SWT1: variants seen among roughly 807,000 people sequenced by gnomAD.
SWT1 encodes SWT1 RNA endoribonuclease homolog, also known as transcriptional protein SWT1.
SWT1 carries 33 observed loss-of-function variants against 107.3 expected under a neutral mutation model. The observed-to-expected ratio is 0.31, with a 90% CI of 0.23 to 0.41. The LOEUF (loss-of-function observed/expected upper bound fraction) is 0.41. Among genes scored for constraint, SWT1 ranks in the 10% least tolerant of loss-of-function variants. The probability of loss-of-function intolerance (pLI) is 1.00; values close to 1 mark genes in which losing one functional copy is unlikely to be tolerated. For missense variants in SWT1, 898 were observed against 1,028.9 expected (o/e 0.87, Z 1.74); for synonymous variants, 345 against 348.3 (o/e 0.99, Z 0.11).
At chr1:185,256,619 T>C (rs1286383706) in intron 16 of SWT1, among the ~76,000 whole-genome samples, 4 of 145,256 alleles carry the variant, frequency 2.8e-5, no homozygotes, top group African/African-American at 5.2e-5. Context: ...CGAGCCTTGG[T>C]TTTCAGCTCC....
chr1:185,184,818 TA>T lies in SWT1; in HGVS notation c.1320del (p.Lys440AsnfsTer40). 6.2e-7 allele frequency: 1 copy of T among 1,605,088 alleles called. No homozygotes were observed. On this transcript the variant is annotated frameshift_variant, in exon 9 of 19. Coordinates refer to ENST00000367500, the MANE Select transcript of SWT1 (RefSeq NM_017673.7). LOFTEE classifies it high-confidence loss of function. ...ELDRMKEGKL[L>X]KRAQHKAIPA... The stretch of plus-strand genomic sequence containing the variant: ...GATCGTATGAAGGAAGGAAAACTAC[TA>T]AAACGTGCCCAGCACAAAGCTATAC...
At chr1:185,241,406 G>T (rs1661248113) in intron 16 of SWT1, among the ~76,000 whole-genome samples, 1 of 152,070 alleles carries the variant, frequency 6.6e-6, no homozygotes. Context: ...CAGCTCCTCA[G>T]ATATCACTTA....
chr1:185,174,620 G>A lies in SWT1; in HGVS notation c.473G>A (p.Ser158Asn). ...AGCCTTAGTAGTCCTAAGATTGCCAGTGATGTGAAACCTAAAGCCGAAGGC... is the reference window on the plus strand; with the variant it reads ...AGCCTTAGTAGTCCTAAGATTGCCAATGATGTGAAACCTAAAGCCGAAGGC... ...IKSLSSPKIA[S>N]DVKPKAEGQA... The change falls in exon 5 of 19, where the codon AGT becomes AAT. Residue 158 changes from serine (S) to asparagine (N), a missense_variant. Ser to Asn is a conservative substitution (Grantham distance 46). Coordinates refer to ENST00000367500, the MANE Select transcript of SWT1 (RefSeq NM_017673.7). 1 of 1,611,880 alleles carries A rather than the reference G, an allele frequency of 6.2e-7. No individual in the cohort carries two copies.
chr1:185,171,118 T>C (rs912061898), intron 4 of SWT1, among the ~76,000 whole-genome samples: 1 of 152,074 alleles, frequency 6.6e-6, no homozygotes, highest in Non-Finnish European at 1.5e-5. Context: ...CACCGTCTCC[T>C]TCTATTCTGG....
chr1:185,271,602 A>T (rs1487892851), intron 17 of SWT1, among the ~76,000 whole-genome samples: 1 of 152,134 alleles, frequency 6.6e-6, no homozygotes, highest in African/African-American at 2.4e-5. Flanking sequence ...TGGTGTTTTG[A>T]TATGTTATAC....
chr1:185,192,233 A>G (rs1003673542), intron 10 of SWT1, among the ~76,000 whole-genome samples: 2 of 152,326 alleles, frequency 1.3e-5, no homozygotes, highest in Non-Finnish European at 1.5e-5. Context: ...AATATATTCA[A>G]CTATTTATTT....
At chr1:185,219,394 G>GA (rs1046189360) in intron 14 of SWT1, among the ~76,000 whole-genome samples, 1 of 152,046 alleles carries the variant, frequency 6.6e-6, no homozygotes, top group African/African-American at 2.4e-5. Context: ...CTAATAAATA[G>GA]AAAATTCTGA....
At chr1:185,223,640 T>G (rs1234962708) in intron 15 of SWT1, among the ~76,000 whole-genome samples, 1 of 152,140 alleles carries the variant, frequency 6.6e-6, no homozygotes, top group Admixed American at 6.5e-5. Flanking sequence ...TATATTAAGG[T>G]CTTTTGCCCA....
chr1:185,164,208 G>A (rs1315309463), intron 2 of SWT1, among the ~76,000 whole-genome samples: 5 of 151,560 alleles, frequency 3.3e-5, no homozygotes, highest in African/African-American at 9.7e-5. Flanking sequence ...GGTCTCAACA[G>A]TGAGCTTAAG....
chr1:185,248,316 A>G (rs183381347), intron 16 of SWT1, among the ~76,000 whole-genome samples: 142 of 152,344 alleles, frequency 9.3e-4, no homozygotes, highest in Non-Finnish European at 1.6e-3. Context: ...TTTCAATACA[A>G]TTAACCAATA....
At chr1:185,197,996 C>T (rs1363140492) in intron 10 of SWT1, among the ~76,000 whole-genome samples, 1 of 152,074 alleles carries the variant, frequency 6.6e-6, no homozygotes, top group East Asian at 1.9e-4. Context: ...AATTTGTTTG[C>T]TCTTGTTTCT....
intron 1 of SWT1, among the ~76,000 whole-genome samples, chr1:185,159,344 A>G (rs1323663495): frequency 6.6e-6 from 1 of 152,222 alleles, no homozygotes; most frequent in Non-Finnish European, 1.5e-5. Flanking sequence ...TAGTATGAAT[A>G]TACAACATTT....
At chr1:185,271,459 T>C in intron 17 of SWT1, 70 bp downstream of exon 17, 1 of 791,172 alleles carries the variant, frequency 1.3e-6, no homozygotes, top group South Asian at 1.6e-5. Flanking sequence ...ATAAACAGAG[T>C]AGGAGTTCTC....
At chr1:185,188,295 T>G (rs1331866214) in intron 9 of SWT1, among the ~76,000 whole-genome samples, 1 of 152,196 alleles carries the variant, frequency 6.6e-6, no homozygotes, top group African/African-American at 2.4e-5. Context: ...TTAGAAAAAG[T>G]GGTATTACTG....
intron 12 of SWT1, among the ~76,000 whole-genome samples, chr1:185,205,171 A>T (rs561674268): frequency 6.6e-6 from 1 of 152,264 alleles, no homozygotes; most frequent in South Asian, 2.1e-4. Context: ...ATTTGAGTCA[A>T]AATGTCTAAT....
At chr1:185,202,116 A>T (rs565424482) in intron 10 of SWT1, among the ~76,000 whole-genome samples, 3 of 152,228 alleles carry the variant, frequency 2.0e-5, no homozygotes, top group East Asian at 3.9e-4. Flanking sequence ...CCTGTTTTTT[A>T]ATGCCCTTGT....
intron 17 of SWT1, among the ~76,000 whole-genome samples, chr1:185,275,575 G>A (rs1664185674): frequency 6.6e-6 from 1 of 150,456 alleles, no homozygotes; most frequent in Admixed American, 6.6e-5. Context: ...AAATAGAGAC[G>A]GGTCTCACTA....
chr1:185,261,210 C>T (rs199518890), intron 16 of SWT1, among the ~76,000 whole-genome samples: 1 of 152,096 alleles, frequency 6.6e-6, no homozygotes, highest in East Asian at 1.9e-4. Context: ...TGACAACCAC[C>T]TGAATTTGAC....
At chr1:185,238,895 A>G (rs941921486) in intron 16 of SWT1, among the ~76,000 whole-genome samples, 1 of 152,132 alleles carries the variant, frequency 6.6e-6, no homozygotes, top group Non-Finnish European at 1.5e-5. Context: ...AAATTTTACA[A>G]TTTAATTTAA....
Sources: gnomAD v4.1 joint callset for allele counts (sites outside exome capture counted in the v4.1 genomes callset) on GRCh38, gnomAD v4.1.1 for gene constraint, MANE v1.5 for transcripts, NCBI Gene and HGNC (gene_info 2026-07-23, HGNC 2026-07-21) for gene names.